The following PPP1R16B variants were observed in gnomAD, a reference collection of about 807,000 sequenced individuals.
PPP1R16B encodes the protein protein phosphatase 1 regulatory subunit 16B.
PPP1R16B carries 14 observed loss-of-function variants against 61.7 expected under a neutral mutation model. The observed-to-expected ratio is 0.23, with a 90% CI of 0.15 to 0.35. PPP1R16B has a LOEUF of 0.35. PPP1R16B is among the 10% of genes least tolerant of loss of function. The pLI, the probability that PPP1R16B is intolerant of heterozygous loss-of-function variation, is 1.00. For missense variants in PPP1R16B, 547 were observed against 752.5 expected (o/e 0.73, Z 3.19); for synonymous variants, 266 against 305.3 (o/e 0.87, Z 1.34).
intron 2 of PPP1R16B, among the ~76,000 whole-genome samples, chr20:38,879,852 T>G (rs1297897653): frequency 6.6e-6 from 1 of 152,220 alleles, no homozygotes; most frequent in Non-Finnish European, 1.5e-5. Flanking sequence ...TGGGGTCCCC[T>G]TGGCCATCTT....
intron 2 of PPP1R16B, among the ~76,000 whole-genome samples, chr20:38,841,685 T>C (rs2084910319): frequency 6.6e-6 from 1 of 152,246 alleles, no homozygotes; most frequent in Non-Finnish European, 1.5e-5. Flanking sequence ...ATACAGTATA[T>C]GATCTTTGTG....
chr20:38,912,096 CTTT>C (rs35770847), intron 10 of PPP1R16B, among the ~76,000 whole-genome samples: 18 of 127,376 alleles, frequency 1.4e-4, no homozygotes, highest in South Asian at 2.5e-4. Context: ...TATAGTCAGT[CTTT>C]TTTTTTTTTT....
chr20:38,864,297 T>TA (rs1454966176), intron 2 of PPP1R16B, among the ~76,000 whole-genome samples: 2 of 152,204 alleles, frequency 1.3e-5, no homozygotes, highest in African/African-American at 4.8e-5. Context: ...AATACAATTT[T>TA]AAAAAACTGA....
intron 1 of PPP1R16B, among the ~76,000 whole-genome samples, chr20:38,825,059 A>G (rs1470747358): frequency 6.6e-6 from 1 of 152,242 alleles, no homozygotes; most frequent in Non-Finnish European, 1.5e-5. Flanking sequence ...AGGGGAGGAG[A>G]TAGCTTGTTA....
chr20:38,915,271 C>T (rs942974655), intron 10 of PPP1R16B, among the ~76,000 whole-genome samples: 7 of 152,102 alleles, frequency 4.6e-5, no homozygotes, highest in African/African-American at 1.7e-4. Flanking sequence ...AGAATGCTCT[C>T]GCCACTTGGT....
At chr20:38,837,468 G>A (rs545205275) in intron 2 of PPP1R16B, among the ~76,000 whole-genome samples, 1 of 151,744 alleles carries the variant, frequency 6.6e-6, no homozygotes, top group Admixed American at 6.6e-5. Context: ...TCTGTAAAGT[G>A]AATGAGTAAA....
chr20:38,904,100 T>C (rs2085420859), intron 6 of PPP1R16B, among the ~76,000 whole-genome samples: 1 of 152,142 alleles, frequency 6.6e-6, no homozygotes, highest in African/African-American at 2.4e-5. Flanking sequence ...CACATCTGTT[T>C]TATGCCCATT....
intron 2 of PPP1R16B, among the ~76,000 whole-genome samples, chr20:38,837,597 G>A (rs2084880763): frequency 6.7e-6 from 1 of 149,372 alleles, no homozygotes; most frequent in South Asian, 2.1e-4. Flanking sequence ...GCTGGGCAGA[G>A]TGCAGCGGTG....
chr20:38,821,619 C>A (rs1028170428), intron 1 of PPP1R16B, among the ~76,000 whole-genome samples: 1 of 152,174 alleles, frequency 6.6e-6, no homozygotes, highest in African/African-American at 2.4e-5. Flanking sequence ...CATATTAGAA[C>A]TATCCCTAGT....
intron 3 of PPP1R16B, among the ~76,000 whole-genome samples, chr20:38,891,743 AG>A (rs1318736815): frequency 6.6e-6 from 1 of 151,956 alleles, no homozygotes; most frequent in Admixed American, 6.6e-5. Flanking sequence ...CAGAGGTTGT[AG>A]TGAGCTGAGA....
At chr20:38,810,533 C>T (rs915754354) in intron 1 of PPP1R16B, among the ~76,000 whole-genome samples, 102 of 152,238 alleles carry the variant, frequency 6.7e-4, no homozygotes, top group African/African-American at 2.4e-3. Flanking sequence ...AGAAGAGGTC[C>T]ACTCCCTCTT....
rs71330453 is a variant in PPP1R16B, at chr20:38,885,036, C to CAAAA, written c.251-4539_251-4536dup. 5.6e-3 allele frequency among the ~76,000 whole-genome samples: 374 copies of CAAAA among 66,648 alleles called. 1 individual carries two copies. The highest frequency in any genetic ancestry group is 0.01 in the Middle Eastern group (1 of 98). 43.7% of individuals were successfully genotyped at this position (66,648 alleles called of 152,430 possible). Reference sequence around the variant, plus strand: ...TGGGCAACAGAGCTAAACTCTGTCTCAAAAAAAAAAAAAAAAAAAAAAAGA... The same window carrying CAAAA: ...TGGGCAACAGAGCTAAACTCTGTCTCAAAAAAAAAAAAAAAAAAAAAAAAAAAGA... On this transcript the variant is annotated intron_variant, in intron 2 of 10. Coordinates refer to ENST00000299824, the MANE Select transcript of PPP1R16B (RefSeq NM_015568.4).
rs2085564561 is a variant in PPP1R16B, at chr20:38,918,660, C to G, written c.1698C>G (p.Ile566Met). ...AGAAGGTGCATGGCTGTTGCCGTATCTCCTAGTCTCCGTGTGATGGAGGAG... is the reference window on the plus strand; with the variant it reads ...AGAAGGTGCATGGCTGTTGCCGTATGTCCTAGTCTCCGTGTGATGGAGGAG... ...MEEKVHGCCR[I>M]S Residue 566 changes from isoleucine (I) to methionine (M), a missense_variant, in exon 11 of 11, where the codon ATC (isoleucine) becomes ATG (methionine). Ile to Met is a conservative substitution (Grantham distance 10). Coordinates refer to ENST00000299824, the MANE Select transcript of PPP1R16B (RefSeq NM_015568.4). The surrounding 1 kb of genome is among the most constrained non-coding windows in gnomAD (Gnocchi z 5.3). The G allele has an allele frequency of 6.6e-7, 1 of 1,507,932 alleles. No homozygotes were observed. Among genetic ancestry groups the G allele is most frequent in the Admixed American group, 2.3e-5 (1 of 43,774 alleles). 93.4% of individuals were successfully genotyped at this position (1,507,932 alleles called of 1,614,324 possible). A position where few individuals can be genotyped will look rare whatever the true frequency, so the allele number is the denominator to read the frequency against.
intron 2 of PPP1R16B, among the ~76,000 whole-genome samples, chr20:38,846,147 C>T (rs1205698530): frequency 1.3e-5 from 2 of 152,090 alleles, no homozygotes; most frequent in Non-Finnish European, 2.9e-5. Context: ...TAGGACTGTC[C>T]AAGTTGACAT....
intron 2 of PPP1R16B, among the ~76,000 whole-genome samples, chr20:38,871,279 A>G (rs2085127331): frequency 6.6e-6 from 1 of 152,172 alleles, no homozygotes; most frequent in Admixed American, 6.5e-5. Flanking sequence ...CATGTTACAT[A>G]AGAACATCTT....
intron 5 of PPP1R16B, 97 bp downstream of exon 5, chr20:38,900,781 C>T (rs2085386545): frequency 2.2e-6 from 2 of 893,202 alleles, no homozygotes; most frequent in East Asian, 3.1e-5. Flanking sequence ...TACGCATCGG[C>T]CTGCCTCGTG....
At chr20:38,868,347 A>C (rs1416244469) in intron 2 of PPP1R16B, among the ~76,000 whole-genome samples, 1 of 151,904 alleles carries the variant, frequency 6.6e-6, no homozygotes, top group Non-Finnish European at 1.5e-5. Context: ...AAATACAGAG[A>C]GATCCCTTCT....
chr20:38,888,725 G>T (rs1363104691), intron 2 of PPP1R16B, among the ~76,000 whole-genome samples: 1 of 152,120 alleles, frequency 6.6e-6, no homozygotes, highest in Non-Finnish European at 1.5e-5. Context: ...TTGCACGTGG[G>T]TTCAGGGGAG....
intron 1 of PPP1R16B, among the ~76,000 whole-genome samples, chr20:38,817,200 C>T (rs1265390108): frequency 6.6e-6 from 1 of 152,130 alleles, no homozygotes; most frequent in Non-Finnish European, 1.5e-5. Context: ...TGGTCAAATG[C>T]CTTGGGACTA....
Sources: gnomAD v4.1 joint callset for allele counts (sites outside exome capture counted in the v4.1 genomes callset) on GRCh38, gnomAD v4.1.1 for gene constraint, Gnocchi (gnomAD v3.1) non-coding constraint, MANE v1.5 for transcripts, NCBI Gene and HGNC (gene_info 2026-07-23, HGNC 2026-07-21) for gene names.